Variants in TENM3 observed in about 807,000 individuals in gnomAD.
The protein encoded by TENM3 is teneurin-3.
TENM3 carries 63 observed loss-of-function variants against 255.1 expected under a neutral mutation model. That is an observed-to-expected ratio of 0.25 (90% CI 0.20 to 0.30). TENM3 has a LOEUF of 0.30. TENM3 is among the 10% of genes least tolerant of loss of function. The probability of loss-of-function intolerance (pLI) is 1.00; values close to 1 mark genes in which losing one functional copy is unlikely to be tolerated. For synonymous variants in TENM3, 1,306 were observed against 1,322.3 expected (o/e 0.99, Z 0.27); for missense variants, 2,929 against 3,461.1 (o/e 0.85, Z 3.86).
At chr4:182,661,390 A>G (rs80264672) in intron 6 of TENM3, among the ~76,000 whole-genome samples, 2,340 of 151,618 alleles carry the variant, frequency 0.015, 63 homozygotes, top group African/African-American at 0.054. Context: ...GTACTAGACA[A>G]CTCTAGAGAG....
chr4:182,217,500 C>A (rs1425253908), intron 1 of TENM3, among the ~76,000 whole-genome samples: 1 of 152,158 alleles, frequency 6.6e-6, no homozygotes, highest in Non-Finnish European at 1.5e-5. Context: ...CCTGTGGTAA[C>A]AATAACTGAC....
intron 3 of TENM3, among the ~76,000 whole-genome samples, chr4:182,577,202 T>A (rs1745016349): frequency 6.6e-6 from 1 of 152,230 alleles, no homozygotes; most frequent in South Asian, 2.1e-4. Flanking sequence ...TCTCTTAGAT[T>A]ATTTACCAGA....
Position 182,800,512 on chromosome 4 carries a change from G to A in TENM3, c.*161G>A, listed in dbSNP as rs1016219017. 1.2e-6 allele frequency: 1 copy of A among 843,828 alleles called. No individual in the cohort carries two copies. Among genetic ancestry groups the A allele is most frequent in the Non-Finnish European group, 1.8e-6 (1 of 566,602 alleles). The allele number at this position is 843,828 out of a possible 1,614,324, so 52.3% of individuals were successfully genotyped here. A position where few individuals can be genotyped will look rare whatever the true frequency, so the allele number is the denominator to read the frequency against. ...GCGAAAACAAGGACCGCTTTTTTCCGAATGACCTTAAAGGTGATCGGCTTT... is the reference window on the plus strand; with the variant it reads ...GCGAAAACAAGGACCGCTTTTTTCCAAATGACCTTAAAGGTGATCGGCTTT... On this transcript the variant is annotated 3_prime_UTR_variant, in exon 28 of 28. Coordinates refer to ENST00000511685, the MANE Select transcript of TENM3 (RefSeq NM_001080477.4).
the TENM3 span, among the ~76,000 whole-genome samples, chr4:181,689,732 T>G: frequency 6.6e-6 from 1 of 152,090 alleles, no homozygotes; most frequent in African/African-American, 2.4e-5. Flanking sequence ...AGTCACTCAA[T>G]TATCGATAAG....
intron 16 of TENM3, 36 bp from the exon 17 acceptor site, chr4:182,736,772 A>T (rs757946994): frequency 2.5e-6 from 4 of 1,586,524 alleles, no homozygotes; most frequent in Admixed American, 3.6e-5. Flanking sequence ...GTCATACGTG[A>T]TCACAGTTTG....
intron 19 of TENM3, chr4:182,744,303 A>G: frequency 2.5e-6 from 1 of 403,214 alleles, no homozygotes. Flanking sequence ...AGGAATTAAA[A>G]GTGCTTAATT....
the TENM3 span, among the ~76,000 whole-genome samples, chr4:181,791,737 G>A: frequency 9.2e-5 from 14 of 152,222 alleles, no homozygotes; most frequent in South Asian, 2.5e-3. Flanking sequence ...GGTAACTGTG[G>A]TCCCTGCACT....
the TENM3 span, among the ~76,000 whole-genome samples, chr4:182,136,606 T>C: frequency 6.6e-6 from 1 of 152,222 alleles, no homozygotes; most frequent in South Asian, 2.1e-4. Context: ...GTGGGAGTTT[T>C]AGTACTTCTT....
At chr4:182,030,849 G>A in the TENM3 span, among the ~76,000 whole-genome samples, 1 of 152,156 alleles carries the variant, frequency 6.6e-6, no homozygotes, top group African/African-American at 2.4e-5. Context: ...ACATAAATAT[G>A]TGTTCTTTTG....
rs1753031546 is a variant in TENM3 at position 182,184,617 on chromosome 4, C to A, written c.-76+39863C>A. ...CAAACCTTTTCAAGATAAACATAGC[C>A]AGCCTACTGCTATGATTTGTCATAT... On this transcript the variant is annotated intron_variant, in intron 1 of 2. Coordinates refer to the TENM3 transcript ENST00000512480. Among the ~76,000 whole-genome samples, 3 of 151,660 alleles carry A rather than the reference C, an allele frequency of 2.0e-5. No homozygotes were observed. In the South Asian group the frequency reaches 6.2e-4, roughly 31 times the overall value.
chr4:182,705,627 G>T (rs542668402), intron 12 of TENM3, among the ~76,000 whole-genome samples: 1 of 152,146 alleles, frequency 6.6e-6, no homozygotes, highest in African/African-American at 2.4e-5. Context: ...TTGCTTCTCT[G>T]TGTTTATGAG....
intron 4 of TENM3, among the ~76,000 whole-genome samples, chr4:182,607,195 T>C (rs902653459): frequency 6.6e-6 from 1 of 152,202 alleles, no homozygotes; most frequent in Non-Finnish European, 1.5e-5. Context: ...GGGCACCTCA[T>C]TGGTTAATAC....
chr4:181,651,825 C>T, the TENM3 span, among the ~76,000 whole-genome samples: 1 of 152,096 alleles, frequency 6.6e-6, no homozygotes. Context: ...ATACCTATTT[C>T]AGATAAAACA....
chr4:182,706,407 A>G (rs1416985343), intron 12 of TENM3, among the ~76,000 whole-genome samples: 1 of 152,208 alleles, frequency 6.6e-6, no homozygotes, highest in African/African-American at 2.4e-5. Flanking sequence ...TCAGCACATA[A>G]TAAATGGTAG....
intron 2 of TENM3, among the ~76,000 whole-genome samples, chr4:182,341,235 C>A (rs780782592): frequency 6.6e-6 from 1 of 151,976 alleles, no homozygotes; most frequent in Non-Finnish European, 1.5e-5. Flanking sequence ...TTAATTTTTT[C>A]TTTATTATGT....
At chr4:182,648,369 C>T (rs1487214189) in intron 5 of TENM3, among the ~76,000 whole-genome samples, 1 of 151,548 alleles carries the variant, frequency 6.6e-6, no homozygotes, top group African/African-American at 2.4e-5. Context: ...CTGCAACCTC[C>T]GCCTCCCAGG....
chr4:181,587,904 G>T, the TENM3 span, among the ~76,000 whole-genome samples: 1 of 152,100 alleles, frequency 6.6e-6, no homozygotes, highest in African/African-American at 2.4e-5. Context: ...CTCACTCTGG[G>T]ACCTGCAGCC....
chr4:182,180,017 G>C (rs151129266), intron 1 of TENM3, among the ~76,000 whole-genome samples: 372 of 151,982 alleles, frequency 2.4e-3, no homozygotes, highest in African/African-American at 8.4e-3. Flanking sequence ...GTTACAGCCT[G>C]CTTTATGTAC....
chr4:182,127,061 G>C, the TENM3 span, among the ~76,000 whole-genome samples: 1 of 152,280 alleles, frequency 6.6e-6, no homozygotes, highest in East Asian at 1.9e-4. Context: ...GCTTTCTGTA[G>C]GACATCATAT....
Sources: allele counts gnomAD v4.1 joint callset (sites outside exome capture counted in the v4.1 genomes callset), GRCh38; gene constraint gnomAD v4.1.1; transcripts MANE v1.5; gene names NCBI Gene and HGNC (gene_info 2026-07-23, HGNC 2026-07-21).